The following ZFPM1 variants were observed in gnomAD, a reference collection of about 807,000 sequenced individuals.
ZFPM1 encodes the protein zinc finger protein, FOG family member 1.
Under a neutral mutation model 46.3 loss-of-function variants are expected in ZFPM1, and 28 were observed. The ratio of observed to expected loss-of-function variants is 0.60; its 90% CI spans 0.45 to 0.83. The LOEUF is 0.83. Ranked by LOEUF, ZFPM1 falls within the 40% of genes least tolerant of loss-of-function variation. The pLI is 0.00. For missense variants in ZFPM1, 1,878 were observed against 1,432.4 expected (o/e 1.31, Z -5.02); for synonymous variants, 957 against 675.9 (o/e 1.42, Z -6.45).
In ZFPM1 at chr16:88,501,284, G is replaced by A. The variant is rs1344149375; in HGVS notation, c.268+12131G>A. Among the ~76,000 whole-genome samples, 53 of 102,578 alleles carry A rather than the reference G, an allele frequency of 5.2e-4. 1 individual carries two copies. Among genetic ancestry groups the A allele is most frequent in the African/African-American group, 1.6e-3 (40 of 25,244 alleles). The allele number at this position is 102,578 out of a possible 152,430, so 67.3% of individuals were successfully genotyped here. On this transcript the variant is annotated intron_variant, in intron 3 of 9. Transcript: ENST00000319555. Reference sequence around the variant, plus strand: ...TGATGGAGATAGTGGGCCTGGGTGCGGGGGCCCTCCCGCAGGTGCTGGTGA... The same window carrying A: ...TGATGGAGATAGTGGGCCTGGGTGCAGGGGCCCTCCCGCAGGTGCTGGTGA...
intron 1 of ZFPM1, among the ~76,000 whole-genome samples, chr16:88,485,371 G>C (rs954150368): frequency 1.3e-5 from 2 of 152,128 alleles, no homozygotes; most frequent in Non-Finnish European, 2.9e-5. Context: ...GCAGGTAAGG[G>C]TGGGCGGAGG....
rs979803520 is a variant in ZFPM1, at chr16:88,534,764, C to T, written c.2806C>T (p.Pro936Ser). The change falls in exon 10 of 10, where the codon CCG (proline) becomes TCG (serine). Residue 936 changes from proline (P) to serine (S), a missense_variant. Coordinates refer to ENST00000319555, the MANE Select transcript of ZFPM1 (RefSeq NM_153813.3). ...QEPPPGPPPS[P>S]AAAPEAVPPP... Reference sequence around the variant, plus strand: ...GCCGCCGCCCGGCCCGCCCCCGTCCCCGGCCGCCGCGCCCGAGGCCGTGCC... The same window carrying T: ...GCCGCCGCCCGGCCCGCCCCCGTCCTCGGCCGCCGCGCCCGAGGCCGTGCC... 4 of 1,128,288 alleles carry T rather than the reference C, an allele frequency of 3.5e-6. No individual in the cohort carries two copies. Among genetic ancestry groups the T allele is most frequent in the African/African-American group, 1.7e-5 (1 of 60,276 alleles). 69.9% of individuals were successfully genotyped at this position (1,128,288 alleles called of 1,614,324 possible).
intron 3 of ZFPM1, among the ~76,000 whole-genome samples, chr16:88,502,894 G>T (rs1317796671): frequency 6.6e-6 from 1 of 152,248 alleles, no homozygotes; most frequent in South Asian, 2.1e-4. Context: ...TGCACACACG[G>T]TGGCCGGACG....
intron 3 of ZFPM1, among the ~76,000 whole-genome samples, chr16:88,499,165 C>A (rs1376515671): frequency 6.6e-6 from 1 of 152,196 alleles, no homozygotes. Flanking sequence ...CCGCACCCAC[C>A]CCAGCCCTGG....
rs562703099 is a variant in ZFPM1 at position 88,471,609 on chromosome 16, G to A, written c.41-14330G>A. Among the ~76,000 whole-genome samples the A allele has an allele frequency of 8.3e-4, 126 of 152,034 alleles. No homozygotes were observed. Among genetic ancestry groups the A allele is most frequent in the Non-Finnish European group, 1.5e-3 (99 of 67,938 alleles). On this transcript the variant is annotated intron_variant, in intron 1 of 9. Transcript: ENST00000319555. This position sits in a 1 kb window ranked among gnomAD's most constrained non-coding sequence, Gnocchi z 4.1. ...CCAGGACCCCGAGATGATCGTGGCT[G>A]TAGCGGCTCCCACTCACAGAGGTGG... is the stretch of plus-strand genomic sequence containing the variant.
chr16:88,518,055 A>G (rs1410894341), intron 4 of ZFPM1, among the ~76,000 whole-genome samples: 2 of 152,162 alleles, frequency 1.3e-5, no homozygotes, highest in Non-Finnish European at 2.9e-5. Flanking sequence ...TTAAAAAAAA[A>G]TTAGCCGGGC....
intron 1 of ZFPM1, 40 bp downstream of exon 1, chr16:88,453,718 A>G (rs956136017): frequency 1.7e-6 from 2 of 1,145,148 alleles, no homozygotes; most frequent in Non-Finnish European, 2.2e-6. Flanking sequence ...CGCGCGCCCG[A>G]CCCCCGCCGG....
chr16:88,525,232 C>A (rs2142468924), intron 4 of ZFPM1, among the ~76,000 whole-genome samples: 1 of 152,362 alleles, frequency 6.6e-6, no homozygotes, highest in East Asian at 1.9e-4. Flanking sequence ...CCACTGCCCA[C>A]CTCTGCGGCC....
intron 1 of ZFPM1, among the ~76,000 whole-genome samples, chr16:88,479,875 C>A (rs1908854924): frequency 7.0e-6 from 1 of 143,434 alleles, no homozygotes; most frequent in South Asian, 2.4e-4. Flanking sequence ...GCCACCCCCG[C>A]AGTACTTCCT....
At chr16:88,454,274 GC>G (rs1301522221) in intron 1 of ZFPM1, among the ~76,000 whole-genome samples, 1 of 152,182 alleles carries the variant, frequency 6.6e-6, no homozygotes, top group Non-Finnish European at 1.5e-5. Context: ...GGAGGGGGTA[GC>G]GCGCAGCTGC....
In ZFPM1 at chr16:88,533,598, C is replaced by G; in HGVS notation, c.1640C>G (p.Ser547Cys). Residue 547 changes from serine to cysteine, a missense_variant, in exon 10 of 10, where the codon TCC becomes TGC. Coordinates refer to ENST00000319555, the MANE Select transcript of ZFPM1 (RefSeq NM_153813.3). ...PPASEILAKM[S>C]ELVHSRLQQG... ...GCCTCGGAGATCCTGGCCAAGATGT[C>G]CGAGCTGGTGCACAGCCGGCTGCAG... is the stretch of plus-strand genomic sequence containing the variant. The G allele has an allele frequency of 6.7e-7, 1 of 1,494,602 alleles. No homozygotes were observed. Among genetic ancestry groups the G allele is most frequent in the African/African-American group, 1.5e-5 (1 of 67,634 alleles). 92.6% of individuals were successfully genotyped at this position (1,494,602 alleles called of 1,614,324 possible).
At chr16:88,488,019 T>C (rs1396309434) in intron 2 of ZFPM1, among the ~76,000 whole-genome samples, 1 of 152,228 alleles carries the variant, frequency 6.6e-6, no homozygotes, top group African/African-American at 2.4e-5. Flanking sequence ...GGCCGGGCTC[T>C]TAACCCTCGC....
Position 88,535,100 on chromosome 16 carries a change from G to T in ZFPM1, c.*121G>T. ...CCGCCACGCACAGGCCTCGGCGGAG[G>T]GGGCCGCAGGGGGCAGCGCCCGCCT... On this transcript the variant is annotated 3_prime_UTR_variant, in exon 10 of 10. Transcript: ENST00000319555. 2 of 1,210,542 alleles carry T rather than the reference G, an allele frequency of 1.7e-6. No homozygotes were observed. Among genetic ancestry groups the T allele is most frequent in the Non-Finnish European group, 2.1e-6 (2 of 938,382 alleles). The allele number at this position is 1,210,542 out of a possible 1,614,324, so 75.0% of individuals were successfully genotyped here.
intron 1 of ZFPM1, 141 bp from the exon 2 acceptor site, chr16:88,485,798 T>A: frequency 1.5e-6 from 1 of 680,618 alleles, no homozygotes; most frequent in Non-Finnish European, 2.5e-6. Flanking sequence ...TCCTTTGACC[T>A]CAGGGTGAGG....
intron 4 of ZFPM1, among the ~76,000 whole-genome samples, chr16:88,520,591 AGGGTGAGTGGG>A (rs1567550054): frequency 1.3e-3 from 86 of 66,472 alleles, no homozygotes; most frequent in African/African-American, 4.4e-3. Context: ...GATGGATGGG[AGGGTGAGTGGG>A]TGGATGGATG....
intron 3 of ZFPM1, among the ~76,000 whole-genome samples, chr16:88,499,610 G>T (rs1267002274): frequency 1.3e-5 from 2 of 152,256 alleles, no homozygotes; most frequent in African/African-American, 4.8e-5. Context: ...ACCCCACCTG[G>T]GTGGCCCCTG....
At chr16:88,532,306 G>A (rs983774754) in intron 7 of ZFPM1, 71 bp downstream of exon 7, 14 of 1,411,984 alleles carry the variant, frequency 9.9e-6, no homozygotes, top group South Asian at 8.1e-5. Flanking sequence ...CAGGCCGCCC[G>A]GGAAAACCCA....
intron 1 of ZFPM1, among the ~76,000 whole-genome samples, chr16:88,475,676 A>G (rs1271818362): frequency 6.6e-6 from 1 of 152,138 alleles, no homozygotes; most frequent in Non-Finnish European, 1.5e-5. Context: ...CTGGGTCAGC[A>G]CACCTGGATC....
chr16:88,522,188 G>T (rs1208677923), intron 4 of ZFPM1: 2 of 152,536 alleles, frequency 1.3e-5, no homozygotes, highest in African/African-American at 4.8e-5. Context: ...GGCGGCAGGG[G>T]TCTCACGGAC....
Sources: allele counts gnomAD v4.1 joint callset (sites outside exome capture counted in the v4.1 genomes callset), GRCh38; gene constraint gnomAD v4.1.1; non-coding constraint Gnocchi (gnomAD v3.1); transcripts MANE v1.5; gene names NCBI Gene and HGNC (gene_info 2026-07-23, HGNC 2026-07-21).